Variants in OSBPL10 observed in about 807,000 individuals in gnomAD.
The protein encoded by OSBPL10 is oxysterol binding protein like 10.
A neutral mutation model predicts 81.7 loss-of-function variants in OSBPL10; 49 were observed. That is an observed-to-expected ratio of 0.60 (90% CI 0.48 to 0.76). The LOEUF (loss-of-function observed/expected upper bound fraction) is 0.76. Among genes scored for constraint, OSBPL10 ranks in the 30% least tolerant of loss-of-function variants. OSBPL10 has a pLI of 0.00. For synonymous variants in OSBPL10, 419 were observed against 383.6 expected, an observed-to-expected ratio of 1.09 and a Z score of -1.08; for missense variants, 923 against 987.8, an observed-to-expected ratio of 0.93 and a Z score of 0.88.
chr3:31,957,606 G>GT (rs1260557125), intron 1 of OSBPL10, among the ~76,000 whole-genome samples: 3 of 152,044 alleles, frequency 2.0e-5, no homozygotes, highest in Non-Finnish European at 4.4e-5. Flanking sequence ...GATTCCTGGG[G>GT]TTTTTTGTTG....
At chr3:31,944,833 TAAAAAAAAAAAAAAAAA>T (rs869140991) in intron 1 of OSBPL10, among the ~76,000 whole-genome samples, 5,840 of 55,086 alleles carry the variant, frequency 0.11, 592 homozygotes, top group African/African-American at 0.2. Context: ...CCCCTCTCTT[TAAAAAAAAAAAAAAAAA>T]AAAAAAAAAA....
intron 2 of OSBPL10, chr3:31,991,063 A>G (rs567644032): frequency 1.6e-6 from 2 of 1,290,300 alleles, no homozygotes; most frequent in South Asian, 1.5e-5. Flanking sequence ...ATCAAGCATT[A>G]ATTGACATTA....
intron 4 of OSBPL10, among the ~76,000 whole-genome samples, chr3:31,819,627 C>A (rs1253606588): frequency 6.6e-6 from 1 of 152,230 alleles, no homozygotes; most frequent in African/African-American, 2.4e-5. Context: ...TTGGCAGCCA[C>A]TGCCGCCCCA....
intron 1 of OSBPL10, among the ~76,000 whole-genome samples, chr3:31,961,907 G>T (rs111701668): frequency 3.3e-4 from 43 of 130,040 alleles, no homozygotes; most frequent in East Asian, 2.2e-3. Flanking sequence ...TTTTGTTTTG[G>T]TTTTTTTTTT....
intron 4 of OSBPL10, among the ~76,000 whole-genome samples, chr3:31,780,551 T>C (rs574027149): frequency 8.7e-5 from 13 of 149,086 alleles, no homozygotes; most frequent in Middle Eastern, 3.4e-3. Flanking sequence ...ACAAAATTGA[T>C]AGACCAGTAG....
At chr3:31,773,282 T>A (rs1339159033) in intron 4 of OSBPL10, among the ~76,000 whole-genome samples, 4 of 152,148 alleles carry the variant, frequency 2.6e-5, no homozygotes, top group African/African-American at 9.7e-5. Context: ...CACACGAGCA[T>A]ATCTGACATA....
chr3:31,881,683 A>T (rs1370929800), intron 1 of OSBPL10, among the ~76,000 whole-genome samples: 1 of 152,202 alleles, frequency 6.6e-6, no homozygotes, highest in East Asian at 1.9e-4. Context: ...TTTTCTTTCA[A>T]TTGATATTAT....
chr3:31,685,122 C>T (rs1045690840), intron 7 of OSBPL10, among the ~76,000 whole-genome samples: 1 of 152,248 alleles, frequency 6.6e-6, no homozygotes, highest in Non-Finnish European at 1.5e-5. Flanking sequence ...TAACTCATTA[C>T]TGCTACTGCT....
intron 1 of OSBPL10, among the ~76,000 whole-genome samples, chr3:32,055,191 CTTTTTTTTTTTTT>C (rs139735770): frequency 5.2e-5 from 3 of 58,246 alleles, no homozygotes; most frequent in African/African-American, 1.5e-4. Context: ...CTATTTATAG[CTTTTTTTTTTTTT>C]TTTTTTTTTT....
intron 2 of OSBPL10, among the ~76,000 whole-genome samples, chr3:32,033,243 C>A (rs1025301492): frequency 2.0e-5 from 3 of 152,128 alleles, no homozygotes; most frequent in African/African-American, 7.2e-5. Flanking sequence ...TTTCAAATAT[C>A]TATATTAATC....
At chr3:31,961,023 AAT>A (rs1291472436) in intron 1 of OSBPL10, among the ~76,000 whole-genome samples, 1 of 149,162 alleles carries the variant, frequency 6.7e-6, no homozygotes, top group African/African-American at 2.5e-5. Flanking sequence ...TCCTTCTGTC[AAT>A]GTTTAACCAA....
intron 1 of OSBPL10, among the ~76,000 whole-genome samples, chr3:31,906,069 G>A (rs1184783245): frequency 1.3e-5 from 2 of 152,110 alleles, no homozygotes; most frequent in Admixed American, 1.3e-4. Flanking sequence ...CAACACCATA[G>A]TCAGTGTCCA....
At chr3:31,750,768 A>G (rs1291598588) in intron 4 of OSBPL10, among the ~76,000 whole-genome samples, 2 of 152,154 alleles carry the variant, frequency 1.3e-5, no homozygotes, top group African/African-American at 4.8e-5. Context: ...TAATCTTAAG[A>G]TTTTATTCAC....
intron 7 of OSBPL10, among the ~76,000 whole-genome samples, chr3:31,690,362 G>T (rs1428266327): frequency 6.6e-6 from 1 of 152,106 alleles, no homozygotes; most frequent in East Asian, 1.9e-4. Flanking sequence ...CCCAGAACTT[G>T]TACAGCCTGC....
chr3:31,755,466 T>C (rs1250449487), intron 4 of OSBPL10, among the ~76,000 whole-genome samples: 1 of 152,242 alleles, frequency 6.6e-6, no homozygotes, highest in African/African-American at 2.4e-5. Flanking sequence ...GATGCATTCA[T>C]TATTTCTAGA....
rs76456367 is a variant in OSBPL10 at position 31,808,340 on chromosome 3, G to A, written c.729+21700C>T. On this transcript the variant is annotated intron_variant, in intron 4 of 11. Transcript: ENST00000396556. Reference sequence around the variant, plus strand: ...GCCAGGAAAGGCTCACACTGACACTGAGGTCTTGTCAGGTGTCATGTTGGG... The same window carrying A: ...GCCAGGAAAGGCTCACACTGACACTAAGGTCTTGTCAGGTGTCATGTTGGG... Among the ~76,000 whole-genome samples the A allele has an allele frequency of 2.1e-4, 32 of 152,318 alleles. No individual in the cohort carries two copies. The East Asian group carries it at 6.0e-3, about 28-fold the overall frequency.
chr3:31,889,839 T>C (rs1480153522), intron 1 of OSBPL10, among the ~76,000 whole-genome samples: 1 of 152,196 alleles, frequency 6.6e-6, no homozygotes, highest in East Asian at 1.9e-4. Context: ...ATGTTTGAGA[T>C]GATGGATATG....
intron 1 of OSBPL10, among the ~76,000 whole-genome samples, chr3:31,916,321 T>C (rs1696756596): frequency 6.6e-6 from 1 of 152,124 alleles, no homozygotes; most frequent in Non-Finnish European, 1.5e-5. Flanking sequence ...CTCACCTATT[T>C]CCCCAATTCT....
chr3:31,718,284 C>T (rs1696518054), intron 6 of OSBPL10: 1 of 152,308 alleles, frequency 6.6e-6, no homozygotes, highest in South Asian at 2.1e-4. Context: ...CGTGGCACCA[C>T]ACCCAGCTAA....
Sources: gnomAD v4.1 joint callset for allele counts (sites outside exome capture counted in the v4.1 genomes callset) on GRCh38, gnomAD v4.1.1 for gene constraint, MANE v1.5 for transcripts, NCBI Gene and HGNC (gene_info 2026-07-23, HGNC 2026-07-21) for gene names.